Variants in CFAP61 observed in about 807,000 individuals in gnomAD.
CFAP61 encodes cilia and flagella associated protein 61, also known as cilia- and flagella-associated protein 61.
A neutral mutation model predicts 135.6 loss-of-function variants in CFAP61; 107 were observed. The ratio of observed to expected loss-of-function variants is 0.79; its 90% CI spans 0.67 to 0.93. CFAP61 has a LOEUF of 0.93. Ranked by LOEUF, CFAP61 falls within the 40% of genes least tolerant of loss-of-function variation. The pLI is 0.00. For synonymous variants in CFAP61, 575 were observed against 578.5 expected (o/e 0.99, Z 0.09); for missense variants, 1,507 against 1,556.2 (o/e 0.97, Z 0.53).
intron 24 of CFAP61, among the ~76,000 whole-genome samples, chr20:20,295,240 G>A (rs2055328521): frequency 6.6e-6 from 1 of 152,172 alleles, no homozygotes; most frequent in Admixed American, 6.5e-5. Context: ...CTTGTAAGCT[G>A]AAGGTGGGGG....
chr20:20,084,740 C>T (rs77006112), intron 6 of CFAP61, among the ~76,000 whole-genome samples: 31 of 152,324 alleles, frequency 2.0e-4, no homozygotes, highest in Non-Finnish European at 3.4e-4. Flanking sequence ...TTTGTCCTCA[C>T]TTCTCCCCAC....
In CFAP61 at chr20:20,292,020, G is replaced by A. The variant is rs911338452; in HGVS notation, c.3216+1629G>A. 6.6e-5 allele frequency among the ~76,000 whole-genome samples: 10 copies of A among 152,324 alleles called. No individual in the cohort carries two copies. The South Asian group carries it at 2.1e-3, about 32-fold the overall frequency. ...CAGGGTCAGCCATGTGGCAGGTTCT[G>A]GCCAATGAGATGTAAGCAGAAGCTC... On this transcript the variant is annotated intron_variant, in intron 24 of 26. Coordinates refer to ENST00000245957, the MANE Select transcript of CFAP61 (RefSeq NM_015585.4).
intron 18 of CFAP61, among the ~76,000 whole-genome samples, chr20:20,230,172 AT>A (rs899028082): frequency 2.0e-5 from 3 of 152,230 alleles, no homozygotes; most frequent in African/African-American, 7.2e-5. Flanking sequence ...ATAAATTTTG[AT>A]GTAAGTATTG....
intron 15 of CFAP61, among the ~76,000 whole-genome samples, chr20:20,195,778 A>AG (rs1382217279): frequency 1.3e-5 from 2 of 152,182 alleles, no homozygotes; most frequent in Non-Finnish European, 2.9e-5. Context: ...CCATACATGT[A>AG]ATCAAAATGT....
Position 20,187,950 on chromosome 20 carries a change from C to A in CFAP61, c.1406C>A (p.Ala469Asp). ...GLLKSINIRF[A>D]TLLDTPGVEN... is the part of the protein sequence containing the mutation. ...CCCAGGTCCATTAATATAAGATTTG[C>A]CACTCTCTTGGATACTCCTGGTGTG... Residue 469 changes from alanine to aspartate, a missense_variant, in exon 14 of 27, where the codon GCC becomes GAC. Transcript: ENST00000245957. 6.2e-7 allele frequency: 1 copy of A among 1,613,122 alleles called. No homozygotes were observed. Among genetic ancestry groups the A allele is most frequent in the East Asian group, 2.2e-5 (1 of 44,880 alleles).
At chr20:20,257,275 G>A (rs2051689635) in intron 20 of CFAP61, among the ~76,000 whole-genome samples, 2 of 152,124 alleles carry the variant, frequency 1.3e-5, no homozygotes, top group East Asian at 1.9e-4. Context: ...TATCTTCCGT[G>A]TTCTTTGCTT....
intron 12 of CFAP61, among the ~76,000 whole-genome samples, 179 bp downstream of exon 12, chr20:20,166,615 G>C (rs1289390711): frequency 6.6e-6 from 1 of 152,184 alleles, no homozygotes; most frequent in Non-Finnish European, 1.5e-5. Flanking sequence ...GAATTTTTAA[G>C]TCATGCTATT....
At chr20:20,247,293 C>T (rs1002957723) in intron 19 of CFAP61, among the ~76,000 whole-genome samples, 4 of 152,304 alleles carry the variant, frequency 2.6e-5, no homozygotes, top group African/African-American at 7.2e-5. Flanking sequence ...ATTCCATCAG[C>T]GTAGTGAAAG....
chr20:20,147,932 G>C lies in CFAP61; in HGVS notation c.951+4984G>C, dbSNP rs1243062747. 2.0e-5 allele frequency among the ~76,000 whole-genome samples: 3 copies of C among 152,158 alleles called. No homozygotes were observed. In the East Asian group the frequency reaches 5.8e-4, roughly 29 times the overall value. ...CATATTATGTTGATTTTTGCATAAG[G>C]TGAGAGATGAGTATCCAGTTTCATT... On this transcript the variant is annotated intron_variant, in intron 9 of 26. Coordinates refer to ENST00000245957, the MANE Select transcript of CFAP61 (RefSeq NM_015585.4).
chr20:20,302,871 CG>C (rs1365426261), intron 25 of CFAP61, among the ~76,000 whole-genome samples: 1 of 151,970 alleles, frequency 6.6e-6, no homozygotes, highest in African/African-American at 2.4e-5. Flanking sequence ...TTTTATTTTT[CG>C]GAAAGAGTAC....
At chr20:20,230,345 CTAAT>C (rs1453595571) in intron 18 of CFAP61, among the ~76,000 whole-genome samples, 1 of 152,174 alleles carries the variant, frequency 6.6e-6, no homozygotes, top group Non-Finnish European at 1.5e-5. Flanking sequence ...ATTATTTTCT[CTAAT>C]TATTTTAAGT....
At chr20:20,088,803 C>A (rs2046981493) in intron 6 of CFAP61, among the ~76,000 whole-genome samples, 1 of 152,158 alleles carries the variant, frequency 6.6e-6, no homozygotes, top group South Asian at 2.1e-4. Flanking sequence ...GTTTTATAGA[C>A]CAGAGACCTG....
At chr20:20,236,158 TC>T (rs760010282) in intron 18 of CFAP61, among the ~76,000 whole-genome samples, 1 of 152,208 alleles carries the variant, frequency 6.6e-6, no homozygotes, top group Non-Finnish European at 1.5e-5. Context: ...TTGCAAAAGT[TC>T]CAGGCTCTAC....
chr20:20,200,890 G>A (rs901792041), intron 17 of CFAP61: 18 of 985,288 alleles, frequency 1.8e-5, no homozygotes, highest in Non-Finnish European at 2.0e-5. Flanking sequence ...GCAGCTTTGC[G>A]GGTGCACTGA....
intron 17 of CFAP61, among the ~76,000 whole-genome samples, chr20:20,224,494 A>AT (rs961158203): frequency 2.8e-4 from 42 of 151,522 alleles, no homozygotes; most frequent in Admixed American, 8.6e-4. Flanking sequence ...ACTTTAAGGA[A>AT]TTTTTTTTTA....
At chr20:20,238,633 C>T (rs2051083300) in intron 18 of CFAP61, among the ~76,000 whole-genome samples, 1 of 152,214 alleles carries the variant, frequency 6.6e-6, no homozygotes, top group African/African-American at 2.4e-5. Flanking sequence ...CGACATGTAT[C>T]TACTGCCCAG....
intron 20 of CFAP61, among the ~76,000 whole-genome samples, chr20:20,258,050 ATT>A (rs2051800440): frequency 6.6e-6 from 1 of 152,244 alleles, no homozygotes; most frequent in Non-Finnish European, 1.5e-5. Flanking sequence ...AAGGAGAAAA[ATT>A]CAGTGAGTGT....
chr20:20,159,710 A>T (rs985276865), intron 10 of CFAP61, among the ~76,000 whole-genome samples: 3 of 152,252 alleles, frequency 2.0e-5, no homozygotes, highest in Non-Finnish European at 2.9e-5. Context: ...CAAAAATTTT[A>T]GTAAATACAG....
At chr20:20,251,287 G>A (rs949381395) in intron 19 of CFAP61, among the ~76,000 whole-genome samples, 5 of 151,912 alleles carry the variant, frequency 3.3e-5, no homozygotes, top group African/African-American at 1.2e-4. Context: ...AGAAGCAGAA[G>A]AAAGGTATAG....
Sources: allele counts gnomAD v4.1 joint callset (sites outside exome capture counted in the v4.1 genomes callset), GRCh38; gene constraint gnomAD v4.1.1; transcripts MANE v1.5; gene names NCBI Gene and HGNC (gene_info 2026-07-23, HGNC 2026-07-21).